The following RNF4 variants were observed in gnomAD, a reference collection of about 807,000 sequenced individuals.
RNF4 encodes the protein ring finger protein 4.
Under a neutral mutation model 24.3 loss-of-function variants are expected in RNF4, and 7 were observed. The ratio of observed to expected loss-of-function variants is 0.29; its 90% confidence interval spans 0.16 to 0.54. RNF4 has a LOEUF of 0.54. Ranked by LOEUF, RNF4 falls within the 20% of genes least tolerant of loss-of-function variation. The pLI is 0.95. For synonymous variants in RNF4, 83 were observed against 84.3 expected (o/e 0.98, Z 0.09); for missense variants, 209 against 248.5 (o/e 0.84, Z 1.07).
chr4:2,472,856 T>C (rs200153719), intron 1 of RNF4, among the ~76,000 whole-genome samples: 2 of 150,726 alleles, frequency 1.3e-5, no homozygotes, highest in South Asian at 2.1e-4. Flanking sequence ...CTGGCTAACA[T>C]GGTGAAACCC....
intron 2 of RNF4, 40 bp downstream of exon 2, chr4:2,490,542 C>CT: frequency 6.3e-7 from 1 of 1,590,862 alleles, no homozygotes. Flanking sequence ...TTTTGTAGGG[C>CT]TAATTAACTA....
chr4:2,511,825 TG>T (rs1386742171), intron 4 of RNF4, 130 bp from the exon 5 acceptor site: 24 of 851,898 alleles, frequency 2.8e-5, no homozygotes, highest in Non-Finnish European at 4.6e-5. Flanking sequence ...GGGAGGAGGG[TG>T]GGGCCTCTGC....
At chr4:2,478,700 A>G (rs1193717826) in intron 1 of RNF4, among the ~76,000 whole-genome samples, 1 of 152,266 alleles carries the variant, frequency 6.6e-6, no homozygotes, top group South Asian at 2.1e-4. Flanking sequence ...ACTAGATTTC[A>G]GAGGATGCAT....
intron 1 of RNF4, among the ~76,000 whole-genome samples, chr4:2,482,205 G>A (rs1735264899): frequency 6.6e-6 from 1 of 152,204 alleles, no homozygotes. Flanking sequence ...TTCCCATTGT[G>A]GGGCACTGCT....
chr4:2,500,525 C>T (rs1735878189), intron 3 of RNF4, 134 bp from the exon 4 acceptor site: 1 of 833,542 alleles, frequency 1.2e-6, no homozygotes, highest in South Asian at 1.6e-5. Flanking sequence ...TCCTGGTGCT[C>T]TTTGCAGTGT....
chr4:2,489,026 T>A (rs1284247078), intron 1 of RNF4, among the ~76,000 whole-genome samples: 3 of 152,054 alleles, frequency 2.0e-5, no homozygotes, highest in African/African-American at 7.3e-5. Context: ...TTGGCCAGGC[T>A]AGTCTCAAAC....
At chr4:2,479,121 G>T (rs1389117277) in intron 1 of RNF4, among the ~76,000 whole-genome samples, 1 of 152,212 alleles carries the variant, frequency 6.6e-6, no homozygotes, top group East Asian at 1.9e-4. Flanking sequence ...TTTCGGACTT[G>T]CATGGGGCCT....
intron 1 of RNF4, among the ~76,000 whole-genome samples, chr4:2,484,206 G>A (rs1485055099): frequency 6.6e-6 from 1 of 151,608 alleles, no homozygotes; most frequent in African/African-American, 2.4e-5. Context: ...TGTACCTGGT[G>A]TAGGCCTAGG....
chr4:2,489,489 C>T (rs1560405205), intron 1 of RNF4, among the ~76,000 whole-genome samples: 1 of 152,172 alleles, frequency 6.6e-6, no homozygotes, highest in Non-Finnish European at 1.5e-5. Flanking sequence ...GGAAGCAGCA[C>T]CTGGGAACTT....
intron 3 of RNF4, 139 bp from the exon 4 acceptor site, chr4:2,500,520 G>C: frequency 2.6e-6 from 2 of 777,710 alleles, no homozygotes; most frequent in Non-Finnish European, 2.1e-6. Context: ...GTTGGTCCTG[G>C]TGCTCTTTGC....
At position 2,512,241 on chromosome 4, in the gene RNF4, G is replaced by A. The variant is rs78989649; in HGVS notation, c.215-197G>A. 4,965 of 696,670 alleles carry A rather than the reference G, an allele frequency of 7.1e-3. 141 individuals carry two copies. In the African/African-American group the frequency reaches 0.073, roughly 10 times the overall value. 43.2% of individuals were successfully genotyped at this position (696,670 alleles called of 1,614,324 possible). Reference sequence around the variant, plus strand: ...TGGTAGCTCACAGCAGGGGTTGGGGGGTTTCTCCTGGGAAGATAAGATAGT... The same window carrying A: ...TGGTAGCTCACAGCAGGGGTTGGGGAGTTTCTCCTGGGAAGATAAGATAGT... On this transcript the variant is annotated intron_variant, in intron 5 of 7. Coordinates refer to ENST00000314289, the MANE Select transcript of RNF4 (RefSeq NM_002938.5). The surrounding 1 kb of genome is among the most constrained non-coding windows in gnomAD (Gnocchi z 4.1).
chr4:2,486,569 G>A (rs184079758), intron 1 of RNF4, among the ~76,000 whole-genome samples: 21 of 152,322 alleles, frequency 1.4e-4, no homozygotes, highest in Admixed American at 1.4e-3. Flanking sequence ...GCCAGGGCAT[G>A]GAGAATGAGG....
Position 2,512,193 on chromosome 4 carries a change from G to A in RNF4, c.214+228G>A, listed in dbSNP as rs1285896651. 9.3e-6 allele frequency: 6 copies of A among 644,412 alleles called. No homozygotes were observed. The Admixed American group carries it at 1.4e-4, about 16-fold the overall frequency. The allele number at this position is 644,412 out of a possible 1,614,324, so 39.9% of individuals were successfully genotyped here. A position where few individuals can be genotyped will look rare whatever the true frequency, so the allele number is the denominator to read the frequency against. On this transcript the variant is annotated intron_variant, in intron 5 of 7. Transcript: ENST00000314289. The surrounding 1 kb of genome is among the most constrained non-coding windows in gnomAD (Gnocchi z 4.1). The stretch of plus-strand genomic sequence containing the variant: ...CACTGAGCTATAGTCCTTTCTTGTG[G>A]CCTACCAGATTTTGGAGAAGGCTGG...
At position 2,513,947 on chromosome 4, in the gene RNF4, C is replaced by A. The variant is rs915712294; in HGVS notation, c.*128C>A. 1.8e-5 allele frequency: 23 copies of A among 1,246,078 alleles called. No homozygotes were observed. The African/African-American group carries it at 3.0e-4, about 16-fold the overall frequency. 77.2% of individuals were successfully genotyped at this position (1,246,078 alleles called of 1,614,324 possible). A position where few individuals can be genotyped will look rare whatever the true frequency, so the allele number is the denominator to read the frequency against. On this transcript the variant is annotated 3_prime_UTR_variant, in exon 8 of 8. Coordinates refer to ENST00000314289, the MANE Select transcript of RNF4 (RefSeq NM_002938.5). Reference sequence around the variant, plus strand: ...ACCAACATCTGATATGTAAACTGCTCTTTTGTTTCCAACCCCTTCCTTTTG... The same window carrying A: ...ACCAACATCTGATATGTAAACTGCTATTTTGTTTCCAACCCCTTCCTTTTG...
intron 2 of RNF4, among the ~76,000 whole-genome samples, chr4:2,494,077 G>A (rs542875731): frequency 1.3e-5 from 2 of 152,076 alleles, no homozygotes; most frequent in Admixed American, 1.3e-4. Context: ...TCCTGACCTC[G>A]TGATCCACGA....
intron 1 of RNF4, among the ~76,000 whole-genome samples, chr4:2,485,095 C>A (rs1301904519): frequency 6.6e-6 from 1 of 152,166 alleles, no homozygotes; most frequent in Non-Finnish European, 1.5e-5. Flanking sequence ...ATTAACTCCT[C>A]CTGTCACTTG....
intron 2 of RNF4, among the ~76,000 whole-genome samples, chr4:2,493,301 G>T (rs1427220061): frequency 6.6e-6 from 1 of 152,082 alleles, no homozygotes; most frequent in South Asian, 2.1e-4. Flanking sequence ...GCATGGAGGG[G>T]TCGATAGAGC....
chr4:2,496,310 G>T (rs1443818653), intron 2 of RNF4, among the ~76,000 whole-genome samples: 1 of 152,188 alleles, frequency 6.6e-6, no homozygotes, highest in East Asian at 1.9e-4. Flanking sequence ...AAAGGGCTCA[G>T]AAAGGCTGAA....
At chr4:2,491,271 C>T (rs1041412894) in intron 2 of RNF4, among the ~76,000 whole-genome samples, 6 of 152,218 alleles carry the variant, frequency 3.9e-5, no homozygotes, top group Non-Finnish European at 7.3e-5. Context: ...GGGTCTCGCT[C>T]TGTCACCCAG....
Sources: gnomAD v4.1 joint callset for allele counts (sites outside exome capture counted in the v4.1 genomes callset) on GRCh38, gnomAD v4.1.1 for gene constraint, Gnocchi (gnomAD v3.1) non-coding constraint, MANE v1.5 for transcripts, NCBI Gene and HGNC (gene_info 2026-07-23, HGNC 2026-07-21) for gene names.